Variants in DNAH8 observed in about 807,000 individuals in gnomAD.
DNAH8 encodes the protein dynein axonemal heavy chain 8, also known as axonemal beta dynein heavy chain 8.
A neutral mutation model predicts 562.1 loss-of-function variants in DNAH8; 382 were observed. The observed-to-expected ratio is 0.68, with a 90% CI of 0.63 to 0.74. DNAH8 has a LOEUF of 0.74. DNAH8 is among the 30% of genes least tolerant of loss of function. DNAH8 has a pLI of 0.00. For synonymous variants in DNAH8, 1,881 were observed against 1,919.4 expected (o/e 0.98, Z 0.52); for missense variants, 5,203 against 5,620.4 (o/e 0.93, Z 2.37).
chr6:38,988,912 C>A (rs1359202997), intron 87 of DNAH8, among the ~76,000 whole-genome samples: 1 of 152,124 alleles, frequency 6.6e-6, no homozygotes, highest in Non-Finnish European at 1.5e-5. Context: ...TGCCTTAGTG[C>A]ACTTTGTATT....
At chr6:38,981,574 GAA>G (rs775615374) in intron 85 of DNAH8, among the ~76,000 whole-genome samples, 2 of 152,200 alleles carry the variant, frequency 1.3e-5, no homozygotes, top group Admixed American at 6.5e-5. Context: ...TTCAAAATCT[GAA>G]ATGGCAAGAT....
chr6:38,895,852 C>T (rs1460487868), intron 59 of DNAH8, among the ~76,000 whole-genome samples, 181 bp from the exon 60 acceptor site: 2 of 152,218 alleles, frequency 1.3e-5, no homozygotes, highest in Non-Finnish European at 2.9e-5. Context: ...ATAAGTAGTG[C>T]TGTTAATGTT....
chr6:39,030,215 C>A lies in DNAH8; in HGVS notation c.13947C>A (p.Leu4649=). The change falls in exon 93 of 93, where the codon CTC becomes CTA. Residue 4649 remains leucine, a synonymous_variant. Transcript: ENST00000327475. ...PKVLFTQLPV[L]HIFAINSTAP... is the part of the protein sequence containing the mutation. ...TACTCTTCACGCAGTTACCCGTGCT[C>A]CACATCTTTGCCATTAACTCCACGG... 6.2e-7 allele frequency: 1 copy of A among 1,614,126 alleles called. No homozygotes were observed. The highest frequency in any genetic ancestry group is 8.5e-7 in the Non-Finnish European group (1 of 1,180,010).
chr6:38,803,393 G>A (rs1248567534), intron 22 of DNAH8, 82 bp downstream of exon 22: 7 of 1,011,296 alleles, frequency 6.9e-6, no homozygotes, highest in Non-Finnish European at 1.0e-5. Context: ...AGCAGGTACT[G>A]AATTCCAGAC....
At chr6:38,837,904 A>G in intron 32 of DNAH8, 38 bp from the exon 33 acceptor site, 1 of 1,359,864 alleles carries the variant, frequency 7.4e-7, no homozygotes. Context: ...CTACTGAATT[A>G]ATTGTATTTT....
chr6:38,825,589 T>C lies in DNAH8; in HGVS notation c.3848-567T>C, dbSNP rs1210647050. On this transcript the variant is annotated intron_variant, in intron 28 of 92. Transcript: ENST00000327475. ...GAGTTTTTCTGCTTCCCAGACTATG[T>C]GGCTCCTCCTCAAGCCTCATTTCAA... Among the ~76,000 whole-genome samples, 17 of 152,144 alleles carry C rather than the reference T, an allele frequency of 1.1e-4. 1 individual carries two copies. The highest frequency in any genetic ancestry group is 1.1e-3 in the Admixed American group (17 of 15,266).
At chr6:38,728,569 T>C (rs1260835554) in intron 3 of DNAH8, among the ~76,000 whole-genome samples, 1 of 152,190 alleles carries the variant, frequency 6.6e-6, no homozygotes, top group Non-Finnish European at 1.5e-5. Context: ...AAGAAAGTAC[T>C]GATGGAGCTG....
At chr6:38,841,899 C>A (rs1410325247) in intron 33 of DNAH8, among the ~76,000 whole-genome samples, 1 of 152,012 alleles carries the variant, frequency 6.6e-6, no homozygotes, top group African/African-American at 2.4e-5. Context: ...GGGAAAACTT[C>A]TGGTAGGAAT....
At chr6:38,813,914 C>G in intron 24 of DNAH8, 140 bp from the exon 25 acceptor site, 1 of 682,866 alleles carries the variant, frequency 1.5e-6, no homozygotes, top group Non-Finnish European at 2.6e-6. Context: ...ATTTAGGGTT[C>G]TGTTATAAGT....
chr6:38,805,675 T>C (rs1771208726), intron 23 of DNAH8, 79 bp downstream of exon 23: 1 of 723,254 alleles, frequency 1.4e-6, no homozygotes. Flanking sequence ...ATGGTGCTTT[T>C]TCCAGGCAGT....
At chr6:38,793,879 C>T (rs1482577444) in intron 21 of DNAH8, among the ~76,000 whole-genome samples, 1 of 152,162 alleles carries the variant, frequency 6.6e-6, no homozygotes, top group Admixed American at 6.5e-5. Context: ...CCAACTCTTG[C>T]CCAGAGTGGC....
At chr6:38,784,022 C>T (rs1209939295) in intron 17 of DNAH8, among the ~76,000 whole-genome samples, 1 of 152,188 alleles carries the variant, frequency 6.6e-6, no homozygotes, top group Non-Finnish European at 1.5e-5. Context: ...TGTATTTTAG[C>T]TGTGTGGGGA....
Position 38,818,595 on chromosome 6 carries a change from C to CAGGTGA in DNAH8, c.3523+2942_3523+2947dup, listed in dbSNP as rs148319682. 6.8e-3 allele frequency among the ~76,000 whole-genome samples: 844 copies of CAGGTGA among 124,974 alleles called. 7 individuals are homozygous for CAGGTGA. Among genetic ancestry groups the CAGGTGA allele is most frequent in the African/African-American group, 0.026 (793 of 29,948 alleles). The allele number at this position is 124,974 out of a possible 152,430, so 82.0% of individuals were successfully genotyped here. On this transcript the variant is annotated intron_variant, in intron 26 of 92. Transcript: ENST00000327475. Reference sequence around the variant, plus strand: ...GGAAACAGGAATAAAACACAGCAGACAGGTGAAGGGAATTTCAAGGTGAAT... The same window carrying CAGGTGA: ...GGAAACAGGAATAAAACACAGCAGACAGGTGAAGGTGAAGGGAATTTCAAGGTGAAT...
At chr6:38,870,120 G>A (rs1777354716) in intron 48 of DNAH8, among the ~76,000 whole-genome samples, 1 of 152,140 alleles carries the variant, frequency 6.6e-6, no homozygotes. Context: ...CATAAGAACA[G>A]CAGGGAAAGA....
intron 82 of DNAH8, 139 bp from the exon 83 acceptor site, chr6:38,971,453 G>C: frequency 2.0e-6 from 1 of 499,364 alleles, no homozygotes; most frequent in Admixed American, 4.0e-5. Flanking sequence ...CAAAGGCCAG[G>C]CCTGTTTGAA....
At chr6:38,819,066 C>G (rs575391376) in intron 26 of DNAH8, among the ~76,000 whole-genome samples, 55 of 152,284 alleles carry the variant, frequency 3.6e-4, no homozygotes, top group African/African-American at 1.3e-3. Flanking sequence ...TATTTATGAT[C>G]CTGCCCCATA....
intron 68 of DNAH8, 57 bp from the exon 69 acceptor site, chr6:38,917,182 A>C (rs16891254): frequency 8.2e-7 from 1 of 1,213,030 alleles, no homozygotes; most frequent in Non-Finnish European, 1.1e-6. Context: ...TTAGATTTCC[A>C]TATAACTATT....
rs3734613 is a variant in DNAH8 at position 38,929,382 on chromosome 6, T to G, written c.11119-129T>G. 0.066 allele frequency: 63,293 copies of G among 960,536 alleles called. 2,516 individuals are homozygous for G. Among genetic ancestry groups the G allele is most frequent in the African/African-American group, 0.15 (8,723 of 58,890 alleles). The allele number at this position is 960,536 out of a possible 1,614,324, so 59.5% of individuals were successfully genotyped here. On this transcript the variant is annotated intron_variant, in intron 74 of 92. Coordinates refer to ENST00000327475, the MANE Select transcript of DNAH8 (RefSeq NM_001206927.2). The stretch of plus-strand genomic sequence containing the variant: ...ATTAATTTTTGTATGTTACTTTAAT[T>G]TTTTTAAGTAAGTCTTCTTCTATTG...
intron 55 of DNAH8, 27 bp from the exon 56 acceptor site, chr6:38,883,849 T>C: frequency 6.6e-7 from 1 of 1,516,148 alleles, no homozygotes; most frequent in Non-Finnish European, 8.9e-7. Flanking sequence ...ATCTAATGCA[T>C]AAGACAAAAC....
Sources: gnomAD v4.1 joint callset for allele counts (sites outside exome capture counted in the v4.1 genomes callset) on GRCh38, gnomAD v4.1.1 for gene constraint, MANE v1.5 for transcripts, NCBI Gene and HGNC (gene_info 2026-07-23, HGNC 2026-07-21) for gene names.